Variants in PSMB2 observed in about 807,000 individuals in gnomAD.
PSMB2 encodes the protein proteasome subunit beta type-2.
PSMB2 carries 13 observed loss-of-function variants against 25.7 expected under a neutral mutation model. The ratio of observed to expected loss-of-function variants is 0.51; its 90% CI spans 0.33 to 0.80. The LOEUF (loss-of-function observed/expected upper bound fraction) is 0.80. Among genes scored for constraint, PSMB2 ranks in the 30% least tolerant of loss-of-function variants. The pLI is 0.02. For synonymous variants in PSMB2, 87 were observed against 96.2 expected (o/e 0.90, Z 0.56); for missense variants, 202 against 259.0 (o/e 0.78, Z 1.51).
At chr1:35,628,598 TATA>T (rs1268112408) in intron 3 of PSMB2, among the ~76,000 whole-genome samples, 1 of 23,224 alleles carries the variant, frequency 4.3e-5, no homozygotes, top group Admixed American at 8.9e-4. Flanking sequence ...AAAAAAAAAA[TATA>T]TATATATATA....
chr1:35,603,303 G>A lies in PSMB2; in HGVS notation c.570C>T (p.Asp190=), dbSNP rs1650061920. Reference sequence around the variant, plus strand: ...GTTTGGGGAAGGAAATGTTATCCAGGTCATGGATGCCATTTTTGTCAATGA... The same window carrying A: ...GTTTGGGGAAGGAAATGTTATCCAGATCATGGATGCCATTTTTGTCAATGA... ...VRIIDKNGIH[D]LDNISFPKQG... is the part of the protein sequence containing the mutation. The change falls in exon 6 of 6, where the codon GAC becomes GAT. Residue 190 remains aspartate, a synonymous_variant. Transcript: ENST00000373237. 6.2e-7 allele frequency: 1 copy of A among 1,614,144 alleles called. No homozygotes were observed. The highest frequency in any genetic ancestry group is 8.5e-7 in the Non-Finnish European group (1 of 1,179,990).
intron 1 of PSMB2, among the ~76,000 whole-genome samples, chr1:35,639,071 T>C (rs1651323427): frequency 6.6e-6 from 1 of 152,088 alleles, no homozygotes; most frequent in South Asian, 2.1e-4. Context: ...CTGGCCAAAC[T>C]GGTGAAACCC....
chr1:35,605,699 C>T lies in PSMB2; in HGVS notation c.449-417G>A, dbSNP rs149977701. Among the ~76,000 whole-genome samples the T allele has an allele frequency of 5.2e-4, 79 of 152,314 alleles. 1 individual carries two copies. In the East Asian group the frequency reaches 0.014, roughly 27 times the overall value. On this transcript the variant is annotated intron_variant, in intron 4 of 5. Transcript: ENST00000373237. ...GAAAGAGACGATGGGGTCAGAATTT[C>T]AGCCTTGTTTTCCCAGCTGGGTCTC...
intron 3 of PSMB2, among the ~76,000 whole-genome samples, chr1:35,619,737 AG>A: frequency 6.6e-6 from 1 of 152,356 alleles, no homozygotes; most frequent in African/African-American, 2.4e-5. Flanking sequence ...TTCCTATTAC[AG>A]TTGTAACTTA....
rs1293078486 is a variant in PSMB2 at position 35,600,457 on chromosome 1, A to G, written c.*2810T>C. The stretch of plus-strand genomic sequence containing the variant: ...ACTGAATAAGGGGTATAAGGACACC[A>G]TATTATCTTTGCAACTTTTCTGTAA... On this transcript the variant is annotated 3_prime_UTR_variant, in exon 6 of 6. Coordinates refer to ENST00000373237, the MANE Select transcript of PSMB2 (RefSeq NM_002794.5). 1 of 910,376 alleles carries G rather than the reference A, an allele frequency of 1.1e-6. No individual in the cohort carries two copies. The highest frequency in any genetic ancestry group is 1.8e-5 in the African/African-American group (1 of 55,480). 56.4% of individuals were successfully genotyped at this position (910,376 alleles called of 1,614,324 possible).
At chr1:35,640,178 T>C (rs1374814355) in intron 1 of PSMB2, among the ~76,000 whole-genome samples, 1 of 152,164 alleles carries the variant, frequency 6.6e-6, no homozygotes, top group Non-Finnish European at 1.5e-5. Context: ...TTTGTTTTCC[T>C]TAACTGATCA....
At position 35,628,597 on chromosome 1, in the gene PSMB2, ATATATATATATATAT is replaced by A. The variant is rs1336126327; in HGVS notation, c.285+2662_285+2676del. The stretch of plus-strand genomic sequence containing the variant: ...TTGGAAGAAAAAAAAAAAAAAAAAA[ATATATATATATATAT>A]ATATATATATATATATATATTTTTT... On this transcript the variant is annotated intron_variant, in intron 3 of 5. Coordinates refer to ENST00000373237, the MANE Select transcript of PSMB2 (RefSeq NM_002794.5). Among the ~76,000 whole-genome samples the A allele has an allele frequency of 3.7e-4, 8 of 21,570 alleles. 1 individual carries two copies. The highest frequency in any genetic ancestry group is 9.2e-3 in the East Asian group (2 of 218). The allele number at this position is 21,570 out of a possible 152,430, so 14.2% of individuals were successfully genotyped here. A position where few individuals can be genotyped will look rare whatever the true frequency, so the allele number is the denominator to read the frequency against.
Position 35,636,440 on chromosome 1 carries a change from A to G in PSMB2, c.92-8T>C. On this transcript the variant is annotated splice_polypyrimidine_tract_variant and splice_region_variant and intron_variant, in intron 1 of 5. Transcript: ENST00000373237. ...TAAACATCTTGTCATGATCTGCTCA[A>G]AGAAGAAAACTGTGTTAGAAACTGC... The G allele has an allele frequency of 1.9e-6, 3 of 1,612,066 alleles. No homozygotes were observed. Among genetic ancestry groups the G allele is most frequent in the Non-Finnish European group, 2.5e-6 (3 of 1,179,232 alleles).
intron 2 of PSMB2, among the ~76,000 whole-genome samples, chr1:35,632,176 T>C (rs188608381): frequency 5.8e-4 from 88 of 152,356 alleles, no homozygotes; most frequent in African/African-American, 2.0e-3. Flanking sequence ...AAAAAGAACA[T>C]TTCCATCATT....
At chr1:35,617,141 C>G (rs1330815838) in intron 3 of PSMB2, among the ~76,000 whole-genome samples, 2 of 152,104 alleles carry the variant, frequency 1.3e-5, no homozygotes, top group Non-Finnish European at 2.9e-5. Context: ...CTCCACCTCC[C>G]GGGTTCAAGT....
intron 3 of PSMB2, among the ~76,000 whole-genome samples, chr1:35,617,698 A>G (rs1372412685): frequency 6.6e-6 from 1 of 152,228 alleles, no homozygotes; most frequent in Admixed American, 6.5e-5. Flanking sequence ...ATACGTGAAG[A>G]CAAAGAAACA....
Position 35,641,423 on chromosome 1 carries a change from G to A in PSMB2, c.10C>T (p.Leu4Phe). 6.2e-7 allele frequency: 1 copy of A among 1,614,146 alleles called. No homozygotes were observed. The highest frequency in any genetic ancestry group is 8.5e-7 in the Non-Finnish European group (1 of 1,180,034). MEY[L>F]IGIQGPDYVL... ...TAGTCGGGGCCTTGGATACCGATGA[G>A]GTACTCCATGGTGGCGGAAGGCCAG... is the stretch of plus-strand genomic sequence containing the variant. Residue 4 changes from leucine to phenylalanine, a missense_variant, in exon 1 of 6, where the codon CTC becomes TTC. Leu to Phe is a conservative substitution (Grantham distance 22). Transcript: ENST00000373237.
In PSMB2 at chr1:35,601,847, T is replaced by A; in HGVS notation, c.*1420A>T. ...GTCAAGAACCACTGTTTTAATAGCT[T>A]TAACCACAAAACATCCACATTGTTC... is the stretch of plus-strand genomic sequence containing the variant. On this transcript the variant is annotated 3_prime_UTR_variant, in exon 6 of 6. Transcript: ENST00000373237. 1.0e-6 allele frequency: 1 copy of A among 985,442 alleles called. No homozygotes were observed. Among genetic ancestry groups the A allele is most frequent in the Non-Finnish European group, 1.2e-6 (1 of 829,932 alleles). 61.0% of individuals were successfully genotyped at this position (985,442 alleles called of 1,614,324 possible).
intron 3 of PSMB2, among the ~76,000 whole-genome samples, chr1:35,627,982 T>C (rs1650915211): frequency 6.6e-6 from 1 of 152,212 alleles, no homozygotes; most frequent in Non-Finnish European, 1.5e-5. Flanking sequence ...ACATGGTAAC[T>C]GGCTGACCCA....
Position 35,602,030 on chromosome 1 carries a change from C to A in PSMB2, c.*1237G>T, listed in dbSNP as rs1205980739. 1.4e-6 allele frequency: 1 copy of A among 738,958 alleles called. No individual in the cohort carries two copies. 45.8% of individuals were successfully genotyped at this position (738,958 alleles called of 1,614,324 possible). A position where few individuals can be genotyped will look rare whatever the true frequency, so the allele number is the denominator to read the frequency against. On this transcript the variant is annotated 3_prime_UTR_variant, in exon 6 of 6. Coordinates refer to ENST00000373237, the MANE Select transcript of PSMB2 (RefSeq NM_002794.5). ...AGTGTTAAGTGAAATAAGCAATATG[C>A]AGAACTTAAAAATACTTTTTAGCCG... is the stretch of plus-strand genomic sequence containing the variant.
chr1:35,639,241 G>A (rs1158384253), intron 1 of PSMB2, among the ~76,000 whole-genome samples: 4 of 152,038 alleles, frequency 2.6e-5, no homozygotes, highest in Admixed American at 1.3e-4. Flanking sequence ...GTGACAGAGC[G>A]AGACTCTGTC....
intron 2 of PSMB2, among the ~76,000 whole-genome samples, 182 bp downstream of exon 2, chr1:35,636,128 C>A (rs1000783981): frequency 5.3e-5 from 8 of 152,114 alleles, no homozygotes; most frequent in South Asian, 2.1e-4. Flanking sequence ...GAGAAGATGG[C>A]TATCTGCAAG....
rs1650055137 is a variant in PSMB2, at chr1:35,603,167, G to T, written c.*100C>A. On this transcript the variant is annotated 3_prime_UTR_variant, in exon 6 of 6. Coordinates refer to ENST00000373237, the MANE Select transcript of PSMB2 (RefSeq NM_002794.5). The stretch of plus-strand genomic sequence containing the variant: ...TTATATCCATAGTCACCTTTATTCT[G>T]AATTAACCATTTATCAAGAGTGCGC... 1.3e-6 allele frequency: 2 copies of T among 1,496,676 alleles called. No homozygotes were observed. The highest frequency in any genetic ancestry group is 1.8e-6 in the Non-Finnish European group (2 of 1,127,352). The allele number at this position is 1,496,676 out of a possible 1,614,324, so 92.7% of individuals were successfully genotyped here. A position where few individuals can be genotyped will look rare whatever the true frequency, so the allele number is the denominator to read the frequency against.
chr1:35,639,406 T>C (rs534731930), intron 1 of PSMB2, among the ~76,000 whole-genome samples: 1 of 152,358 alleles, frequency 6.6e-6, no homozygotes, highest in South Asian at 2.1e-4. Flanking sequence ...CTCAAATTCA[T>C]CTTTCTCCCA....
Sources: allele counts gnomAD v4.1 joint callset (sites outside exome capture counted in the v4.1 genomes callset), GRCh38; gene constraint gnomAD v4.1.1; transcripts MANE v1.5; gene names NCBI Gene and HGNC (gene_info 2026-07-23, HGNC 2026-07-21).